AHNAK: variants seen among roughly 807,000 people sequenced by gnomAD.
AHNAK encodes the protein AHNAK nucleoprotein, also known as neuroblast differentiation-associated protein AHNAK.
Under a neutral mutation model 37.8 loss-of-function variants are expected in AHNAK, and 23 were observed. That is an observed-to-expected ratio of 0.61 (90% confidence interval 0.44 to 0.86). The LOEUF (loss-of-function observed/expected upper bound fraction) is 0.86. Ranked by LOEUF, AHNAK falls within the 40% of genes least tolerant of loss-of-function variation. The pLI is 0.00. For synonymous variants in AHNAK, 2,481 were observed against 2,636.3 expected (o/e 0.94, Z 1.80); for missense variants, 7,411 against 7,319.4 (o/e 1.01, Z -0.46).
Position 62,532,573 on chromosome 11 carries a change from G to A in AHNAK, c.1844C>T (p.Pro615Leu). The change falls in exon 5 of 5, where the codon CCA becomes CTA. Residue 615 changes from proline (P) to leucine (L), a missense_variant. By Grantham distance (98) the Pro-to-Leu change is moderately conservative (BLOSUM62 -3). Coordinates refer to ENST00000378024, the MANE Select transcript of AHNAK (RefSeq NM_001620.3). ...VRGPKVDVSA[P>L]DVEAHGPEWN... is the part of the protein sequence containing the mutation. The stretch of plus-strand genomic sequence containing the variant: ...TTCTGGGCCATGCGCTTCGACATCT[G>A]GGGCACTGACATCCACTTTGGGGCC... The A allele has an allele frequency of 6.2e-7, 1 of 1,614,140 alleles. No individual in the cohort carries two copies. The highest frequency in any genetic ancestry group is 8.5e-7 in the Non-Finnish European group (1 of 1,180,022).
chr11:62,534,925 G>A, intron 4 of AHNAK, 78 bp downstream of exon 4: 4 of 1,479,370 alleles, frequency 2.7e-6, no homozygotes, highest in Non-Finnish European at 3.7e-6. Flanking sequence ...GGAGGCACAT[G>A]GAAGGCTCAG....
intron 5 of AHNAK, among the ~76,000 whole-genome samples, chr11:62,456,026 C>T (rs996671467): frequency 5.9e-5 from 9 of 151,942 alleles, no homozygotes; most frequent in Non-Finnish European, 1.5e-5. Flanking sequence ...GCAACAAGAG[C>T]GAAACTGTCT....
chr11:62,465,552 G>T (rs1938894130), intron 5 of AHNAK, among the ~76,000 whole-genome samples: 1 of 152,144 alleles, frequency 6.6e-6, no homozygotes, highest in Admixed American at 6.6e-5. Flanking sequence ...GGCGGAGGTT[G>T]CAGTGAGCCA....
At chr11:62,487,995 G>A (rs1254771182) in intron 5 of AHNAK, among the ~76,000 whole-genome samples, 2 of 152,132 alleles carry the variant, frequency 1.3e-5, no homozygotes, top group East Asian at 3.8e-4. Flanking sequence ...CTCTGGCAAG[G>A]AGAACTATAA....
chr11:62,466,261 A>G (rs1938910030), intron 5 of AHNAK, among the ~76,000 whole-genome samples: 1 of 152,092 alleles, frequency 6.6e-6, no homozygotes, highest in Non-Finnish European at 1.5e-5. Context: ...TGGAGGTTGC[A>G]GTGAGCCGAG....
At position 62,521,779 on chromosome 11, in the gene AHNAK, G is replaced by C; in HGVS notation, c.12638C>G (p.Pro4213Arg). 1 of 1,613,196 alleles carries C rather than the reference G, an allele frequency of 6.2e-7. No individual in the cohort carries two copies. The change falls in exon 5 of 5, where the codon CCC becomes CGC. Residue 4213 changes from proline to arginine, a missense_variant. Physicochemically the swap from Pro to Arg is moderately radical, Grantham distance 103 (BLOSUM62 -2). Transcript: ENST00000378024. The part of the protein sequence containing the change: ...GEGPDVDVNL[P>R]KADLDVSGPK... ...TCCTGAGACGTCAAGGTCAGCCTTG[G>C]GCAGGTTCACATCCACATCTGGGCC...
chr11:62,470,018 A>G (rs2134845149), intron 5 of AHNAK, among the ~76,000 whole-genome samples: 1 of 152,230 alleles, frequency 6.6e-6, no homozygotes, highest in East Asian at 1.9e-4. Flanking sequence ...CAAAACCACA[A>G]AAGTTGGCCA....
chr11:62,451,808 A>ATT (rs1163318132), intron 5 of AHNAK, among the ~76,000 whole-genome samples: 9 of 135,614 alleles, frequency 6.6e-5, no homozygotes, highest in Non-Finnish European at 9.5e-5. Context: ...TAGCAAACTA[A>ATT]TTTTTTTTTT....
In AHNAK at chr11:62,517,017, C is replaced by T; in HGVS notation, c.17400G>A (p.Glu5800=). The change falls in exon 5 of 5, where the codon GAG becomes GAA. Residue 5800 remains glutamate (E), a synonymous_variant. Coordinates refer to ENST00000378024, the MANE Select transcript of AHNAK (RefSeq NM_001620.3). ...CCAGAGACACTTCCCCACCTTCAAA[C>T]TCCAGCGTCCCCGTCGGGGTGGAAG... The part of the protein sequence containing the change: ...SGPSTPTGTL[E]FEGGEVSLEG... The T allele has an allele frequency of 6.2e-7, 1 of 1,614,232 alleles. No homozygotes were observed. Among genetic ancestry groups the T allele is most frequent in the East Asian group, 2.2e-5 (1 of 44,882 alleles).
chr11:62,533,657 C>G lies in AHNAK; in HGVS notation c.760G>C (p.Gly254Arg). ...GCATTGACATTGACACCTGAGCCTC[C>G]CACCTTTATCCCAGGCATGGTGACC... The part of the protein sequence containing the change: ...LQVTMPGIKV[G>R]GSGVNVNAKG... The change falls in exon 5 of 5, where the codon GGA (glycine) becomes CGA (arginine). Residue 254 changes from glycine (G) to arginine (R), a missense_variant. Physicochemically the swap from Gly to Arg is moderately radical, Grantham distance 125. Coordinates refer to ENST00000378024, the MANE Select transcript of AHNAK (RefSeq NM_001620.3). 1 of 1,614,114 alleles carries G rather than the reference C, an allele frequency of 6.2e-7. No individual in the cohort carries two copies.
chr11:62,519,027 G>T lies in AHNAK; in HGVS notation c.15390C>A (p.His5130Gln), dbSNP rs116380617. 1.2e-6 allele frequency: 2 copies of T among 1,613,180 alleles called. No individual in the cohort carries two copies. The highest frequency in any genetic ancestry group is 2.7e-5 in the African/African-American group (2 of 74,884). ...PDLELSLPAIHVEGLDIKAKA... is the reference protein window; with the variant it reads ...PDLELSLPAIQVEGLDIKAKA... ...TCGCCTTGATGTCAAGACCTTCGACGTGAATCGCTGGCAAAGAAAGTTCCA... is the reference window on the plus strand; with the variant it reads ...TCGCCTTGATGTCAAGACCTTCGACTTGAATCGCTGGCAAAGAAAGTTCCA... The change falls in exon 5 of 5, where the codon CAC (histidine) becomes CAA (glutamine). Residue 5130 changes from histidine to glutamine, a missense_variant. Coordinates refer to ENST00000378024, the MANE Select transcript of AHNAK (RefSeq NM_001620.3).
At chr11:62,503,326 C>T (rs899986629) in intron 4 of AHNAK, among the ~76,000 whole-genome samples, 8 of 152,338 alleles carry the variant, frequency 5.3e-5, no homozygotes, top group African/African-American at 1.7e-4. Context: ...CGGTGGCTCA[C>T]GCCTGTAATC....
chr11:62,525,725 T>C lies in AHNAK; in HGVS notation c.8692A>G (p.Lys2898Glu). ...CCAGGCATGCTGAACTTGGGCATTT[T>C]CATCTTGGGCATCTTCAGGTGCCAG... ...PDWHLKMPKM[K>E]MPKFSMPGFK... Residue 2898 changes from lysine (K) to glutamate (E), a missense_variant, in exon 5 of 5, where the codon AAA becomes GAA. By Grantham distance (56) the Lys-to-Glu change is moderately conservative (BLOSUM62 1). Coordinates refer to ENST00000378024, the MANE Select transcript of AHNAK (RefSeq NM_001620.3). 6.2e-7 allele frequency: 1 copy of C among 1,613,388 alleles called. No individual in the cohort carries two copies. Among genetic ancestry groups the C allele is most frequent in the South Asian group, 1.1e-5 (1 of 91,060 alleles).
intron 5 of AHNAK, among the ~76,000 whole-genome samples, chr11:62,439,437 G>A (rs1565194502): frequency 6.6e-6 from 1 of 152,042 alleles, no homozygotes; most frequent in South Asian, 2.1e-4. Flanking sequence ...ATGCTGGTTA[G>A]TACTCTAGGG....
Position 62,521,504 on chromosome 11 carries a change from C to G in AHNAK, c.12913G>C (p.Val4305Leu), listed in dbSNP as rs773694527. The G allele has an allele frequency of 2.5e-6, 4 of 1,612,590 alleles. No individual in the cohort carries two copies. Residue 4305 changes from valine (V) to leucine (L), a missense_variant, in exon 5 of 5, where the codon GTA (valine) becomes CTA (leucine). Coordinates refer to ENST00000378024, the MANE Select transcript of AHNAK (RefSeq NM_001620.3). The stretch of plus-strand genomic sequence containing the variant: ...TGCCAGTCTGGGCCATGAACATCTA[C>G]ATCAGGGGCATCGATGTCCACTTTG... Reference protein sequence around the residue: ...GPKVDIDAPDVDVHGPDWHLK... With the variant: ...GPKVDIDAPDLDVHGPDWHLK...
chr11:62,506,035 A>T (rs1280848966), intron 4 of AHNAK, among the ~76,000 whole-genome samples: 13 of 137,342 alleles, frequency 9.5e-5, no homozygotes, highest in Admixed American at 1.4e-4. Flanking sequence ...AAAAAAAAAA[A>T]AGGCGGGGGT....
intron 5 of AHNAK, among the ~76,000 whole-genome samples, chr11:62,448,624 C>A (rs969743572): frequency 1.3e-5 from 2 of 152,070 alleles, no homozygotes; most frequent in African/African-American, 4.8e-5. Flanking sequence ...GTGGGGGAGG[C>A]AAATCATTTT....
At chr11:62,481,643 T>TCTTGGCTCACTGCAAGCTCTG (rs1555024240) in intron 5 of AHNAK, among the ~76,000 whole-genome samples, 1 of 150,858 alleles carries the variant, frequency 6.6e-6, no homozygotes, top group Admixed American at 6.6e-5. Flanking sequence ...AGTGACACGA[T>TCTTGGCTCACTGCAAGCTCTG]CTTGGCTCAC....
intron 5 of AHNAK, among the ~76,000 whole-genome samples, chr11:62,451,083 CTT>C (rs555597390): frequency 4.1e-4 from 57 of 140,062 alleles, no homozygotes; most frequent in Middle Eastern, 3.6e-3. Flanking sequence ...TTCCTGGAAT[CTT>C]TTTTTTTTTT....
Sources: allele counts gnomAD v4.1 joint callset (sites outside exome capture counted in the v4.1 genomes callset), GRCh38; gene constraint gnomAD v4.1.1; transcripts MANE v1.5; gene names NCBI Gene and HGNC (gene_info 2026-07-23, HGNC 2026-07-21).